Variants in ESCO2 observed in about 807,000 individuals in gnomAD.
ESCO2 encodes N-acetyltransferase ESCO2.
Under a neutral mutation model 61.7 loss-of-function variants are expected in ESCO2, and 51 were observed. That is an observed-to-expected ratio of 0.83 (90% CI 0.66 to 1.04). The LOEUF (loss-of-function observed/expected upper bound fraction) is 1.04, where lower values mean the gene tolerates loss of function less well. Ranked by LOEUF, ESCO2 falls within the 50% of genes least tolerant of loss-of-function variation. The pLI is 0.00. For missense variants in ESCO2, 692 were observed against 686.2 expected (o/e 1.01, Z -0.09); for synonymous variants, 230 against 238.2 (o/e 0.97, Z 0.32).
At chr8:27,772,433 C>CA (rs1804660974), upstream of ESCO2, 4 of 1,409,052 alleles carry the variant, frequency 2.8e-6, no homozygotes, top group East Asian at 5.0e-5. Context: ...GAGCGAGGGT[C>CA]AGGCGCAGCG....
downstream of ESCO2, chr8:27,805,416 T>C (rs1173597515): frequency 6.6e-6 from 1 of 152,184 alleles, no homozygotes; most frequent in East Asian, 1.9e-4. Context: ...CACTTCAGTA[T>C]GTCTTAGATA....
chr8:27,809,552 A>C (rs569450519), downstream of ESCO2: 9 of 152,288 alleles, frequency 5.9e-5, no homozygotes, highest in East Asian at 7.7e-4. Context: ...GAGGGAAAGA[A>C]ACCTCACATT....
chr8:27,791,129 C>T (rs151172607), intron 7 of ESCO2, among the ~76,000 whole-genome samples: 1 of 152,262 alleles, frequency 6.6e-6, no homozygotes, highest in African/African-American at 2.4e-5. Flanking sequence ...CTTAGTATAG[C>T]ACATACTATT....
At chr8:27,815,497 A>G (rs1359817983), downstream of ESCO2, among the ~76,000 whole-genome samples, 4 of 152,184 alleles carry the variant, frequency 2.6e-5, no homozygotes, top group Non-Finnish European at 5.9e-5. Flanking sequence ...TACCTTATAT[A>G]TTAGAGGTAC....
At chr8:27,799,896 G>T (rs1805387449) in intron 10 of ESCO2, among the ~76,000 whole-genome samples, 180 bp downstream of exon 10, 1 of 150,360 alleles carries the variant, frequency 6.7e-6, no homozygotes, top group African/African-American at 2.5e-5. Context: ...AGTCTAGGGT[G>T]CAACATTCCA....
intron 3 of ESCO2, chr8:27,778,496 A>T (rs1218126210): frequency 6.6e-6 from 1 of 152,250 alleles, no homozygotes; most frequent in African/African-American, 2.4e-5. Flanking sequence ...ATCAAAATGT[A>T]TTAAACTGTG....
downstream of ESCO2, among the ~76,000 whole-genome samples, chr8:27,810,694 C>G (rs959175667): frequency 3.3e-5 from 5 of 152,084 alleles, no homozygotes; most frequent in Admixed American, 1.3e-4. Context: ...TATAGGTTAT[C>G]GACCCCTACT....
chr8:27,808,001 T>C (rs10108650), downstream of ESCO2, among the ~76,000 whole-genome samples: 23,227 of 152,214 alleles, frequency 0.15, 2,203 homozygotes, highest in East Asian at 0.28. Context: ...TCCTAGTCTC[T>C]GGAACTATGA....
At chr8:27,775,277 C>A (rs1015197208) in intron 1 of ESCO2, among the ~76,000 whole-genome samples, 3 of 152,008 alleles carry the variant, frequency 2.0e-5, no homozygotes, top group Non-Finnish European at 4.4e-5. Context: ...GATGGGGAAA[C>A]AAGAAAATGT....
intron 5 of ESCO2, among the ~76,000 whole-genome samples, chr8:27,784,671 A>C (rs1268181118): frequency 6.6e-6 from 1 of 152,172 alleles, no homozygotes; most frequent in Non-Finnish European, 1.5e-5. Flanking sequence ...ACCCAAGCTA[A>C]AGACTGCAAT....
At chr8:27,812,104 G>A (rs1290036101), downstream of ESCO2, 1 of 151,972 alleles carries the variant, frequency 6.6e-6, no homozygotes, top group Non-Finnish European at 1.5e-5. Context: ...AGGGCTATAG[G>A]ACTGCTAAAT....
chr8:27,792,202 T>G (rs1805192807), intron 8 of ESCO2, 150 bp downstream of exon 8: 1 of 777,088 alleles, frequency 1.3e-6, no homozygotes, highest in Non-Finnish European at 2.2e-6. Flanking sequence ...AACTAAGAAT[T>G]GTAGGACAAA....
intron 5 of ESCO2, among the ~76,000 whole-genome samples, chr8:27,786,163 G>T (rs7018109): frequency 0.014 from 2,207 of 152,276 alleles, 48 homozygotes; most frequent in African/African-American, 0.045. Context: ...CCAGTTTAGG[G>T]TGTCATATCT....
At chr8:27,806,042 G>C (rs1031982864), downstream of ESCO2, among the ~76,000 whole-genome samples, 2 of 152,138 alleles carry the variant, frequency 1.3e-5, no homozygotes, top group Non-Finnish European at 2.9e-5. Flanking sequence ...AGATCACCTT[G>C]TACATCCCCC....
intron 7 of ESCO2, among the ~76,000 whole-genome samples, chr8:27,791,236 A>ATTTTATAG (rs1805168471): frequency 2.0e-5 from 3 of 152,286 alleles, no homozygotes; most frequent in Admixed American, 1.3e-4. Flanking sequence ...TTTCAGGAAC[A>ATTTTATAG]TTTTATAGTT....
At chr8:27,817,804 AT>A in the ESCO2 span, among the ~76,000 whole-genome samples, 1 of 152,088 alleles carries the variant, frequency 6.6e-6, no homozygotes, top group Non-Finnish European at 1.5e-5. Flanking sequence ...GACTTGTGTC[AT>A]TTCTGAGCTT....
chr8:27,801,969 ATTTT>A (rs34539100), intron 10 of ESCO2, among the ~76,000 whole-genome samples: 7 of 83,780 alleles, frequency 8.4e-5, no homozygotes, highest in African/African-American at 3.4e-4. Context: ...CCTTCATGGC[ATTTT>A]TTTTTTTTTT....
rs1397717582 is a variant in ESCO2 at position 27,789,081 on chromosome 8, T to G, written c.1263+103T>G. ...CCCAGCCGGAAAAGTTAACTTTTAATGATGATGTTTCAAGCTTACTATCTC... is the reference window on the plus strand; with the variant it reads ...CCCAGCCGGAAAAGTTAACTTTTAAGGATGATGTTTCAAGCTTACTATCTC... On this transcript the variant is annotated intron_variant, in intron 7 of 10. Transcript: ENST00000305188. The G allele has an allele frequency of 2.8e-6, 4 of 1,420,778 alleles. No homozygotes were observed. The African/African-American group carries it at 4.3e-5, about 15-fold the overall frequency. The allele number at this position is 1,420,778 out of a possible 1,614,324, so 88.0% of individuals were successfully genotyped here.
intron 3 of ESCO2, chr8:27,779,859 G>T (rs1804883397): frequency 7.5e-6 from 2 of 268,374 alleles, no homozygotes; most frequent in Admixed American, 4.9e-5. Context: ...TAGAGATAGG[G>T]TTTCACCATG....
Sources: allele counts gnomAD v4.1 joint callset (sites outside exome capture counted in the v4.1 genomes callset), GRCh38; gene constraint gnomAD v4.1.1; transcripts MANE v1.5; gene names NCBI Gene and HGNC (gene_info 2026-07-23, HGNC 2026-07-21).